The following BIRC6 variants were observed in gnomAD, a reference collection of about 807,000 sequenced individuals.
BIRC6 encodes the protein dual E2 ubiquitin-conjugating enzyme/E3 ubiquitin-protein ligase BIRC6.
BIRC6 carries 98 observed loss-of-function variants against 503.3 expected under a neutral mutation model. The ratio of observed to expected loss-of-function variants is 0.19; its 90% CI spans 0.17 to 0.23. The LOEUF (loss-of-function observed/expected upper bound fraction) is 0.23. Among genes scored for constraint, BIRC6 ranks in the 10% least tolerant of loss-of-function variants. The probability of loss-of-function intolerance (pLI) is 1.00; values close to 1 mark genes in which losing one functional copy is unlikely to be tolerated. For synonymous variants in BIRC6, 2,240 were observed against 2,078.7 expected (o/e 1.08, Z -2.11); for missense variants, 5,360 against 5,806.0 (o/e 0.92, Z 2.50).
intron 29 of BIRC6, 142 bp from the exon 30 acceptor site, chr2:32,469,253 A>C (rs1326526907): frequency 1.5e-6 from 1 of 658,696 alleles, no homozygotes; most frequent in Admixed American, 3.3e-5. Context: ...TCTACATACA[A>C]GGAGTAAATA....
intron 34 of BIRC6, 109 bp from the exon 35 acceptor site, chr2:32,477,259 C>A: frequency 9.2e-7 from 1 of 1,088,420 alleles, no homozygotes; most frequent in Non-Finnish European, 1.3e-6. Context: ...AAAAATTTTG[C>A]TCTTTAGAAG....
intron 3 of BIRC6, among the ~76,000 whole-genome samples, chr2:32,387,742 T>G (rs1323529364): frequency 6.6e-6 from 1 of 152,172 alleles, no homozygotes; most frequent in East Asian, 1.9e-4. Context: ...TTCTTATGGA[T>G]GGAGGTATTT....
intron 45 of BIRC6, among the ~76,000 whole-genome samples, chr2:32,498,902 A>G (rs753968808): frequency 2.6e-5 from 4 of 152,158 alleles, no homozygotes; most frequent in Non-Finnish European, 4.4e-5. Flanking sequence ...TTTAGTAACA[A>G]TGAGGTTTCA....
intron 11 of BIRC6, 35 bp from the exon 12 acceptor site, chr2:32,430,830 C>T: frequency 1.9e-6 from 1 of 537,430 alleles, no homozygotes. Context: ...TTTTTTTCCA[C>T]ACCTATTTCA....
At chr2:32,582,115 T>A (rs1228996215) in intron 66 of BIRC6, among the ~76,000 whole-genome samples, 2 of 151,572 alleles carry the variant, frequency 1.3e-5, no homozygotes, top group Non-Finnish European at 2.9e-5. Context: ...CCCCTCCGCC[T>A]CCCAAAGTGT....
At chr2:32,380,339 C>T (rs189247647) in intron 3 of BIRC6, 49 bp downstream of exon 3, 1 of 1,527,318 alleles carries the variant, frequency 6.5e-7, no homozygotes, top group Non-Finnish European at 8.7e-7. Flanking sequence ...ACAATGGACA[C>T]CTCCATTCTT....
Position 32,505,204 on chromosome 2 carries a change from A to C in BIRC6, c.9699A>C (p.Ala3233=). Reference sequence around the variant, plus strand: ...TCCAGCCTCATCTTGCATCTCTTGCAAGTGAGTAATATTTTATAAAGAAGC... The same window carrying C: ...TCCAGCCTCATCTTGCATCTCTTGCCAGTGAGTAATATTTTATAAAGAAGC... The part of the protein sequence containing the change: ...IHIQPHLASL[A]TCPSSVSVEV... The change falls in exon 50 of 74, where the codon GCA becomes GCC. Residue 3233 remains alanine (A), a splice_region_variant and synonymous_variant. Coordinates refer to ENST00000421745, the MANE Select transcript of BIRC6 (RefSeq NM_016252.4). 1 of 1,555,008 alleles carries C rather than the reference A, an allele frequency of 6.4e-7. No homozygotes were observed. Among genetic ancestry groups the C allele is most frequent in the Non-Finnish European group, 8.7e-7 (1 of 1,146,136 alleles).
intron 1 of BIRC6, among the ~76,000 whole-genome samples, chr2:32,362,016 A>G (rs1249403590): frequency 6.6e-6 from 1 of 152,196 alleles, no homozygotes; most frequent in East Asian, 1.9e-4. Context: ...GTTTTTGTGT[A>G]GACATAAGTT....
In BIRC6 at chr2:32,506,331, T is replaced by G. The variant is rs1354436978; in HGVS notation, c.9700+1126T>G. Among the ~76,000 whole-genome samples, 3 of 152,308 alleles carry G rather than the reference T, an allele frequency of 2.0e-5. No homozygotes were observed. In the East Asian group the frequency reaches 5.8e-4, roughly 29 times the overall value. ...TTCCTGGCATCTTTGGAGAAAACAA[T>G]TTTTTTCTATGTGTTTGCAAGATTA... On this transcript the variant is annotated intron_variant, in intron 50 of 73. Coordinates refer to ENST00000421745, the MANE Select transcript of BIRC6 (RefSeq NM_016252.4).
intron 16 of BIRC6, among the ~76,000 whole-genome samples, chr2:32,440,751 T>TTTTTTTTTATTATTATTATTA (rs773312894): frequency 8.8e-5 from 13 of 147,180 alleles, no homozygotes; most frequent in Admixed American, 4.1e-4. Flanking sequence ...TGTTTATTTA[T>TTTTTTTTTATTATTATTATTA]TTATTATTAT....
At chr2:32,397,701 C>CACATATATATGT (rs2040122313) in intron 6 of BIRC6, among the ~76,000 whole-genome samples, 3 of 143,930 alleles carry the variant, frequency 2.1e-5, no homozygotes, top group African/African-American at 7.7e-5. Context: ...TGTACACACA[C>CACATATATATGT]ACACACACAC....
intron 21 of BIRC6, among the ~76,000 whole-genome samples, chr2:32,447,435 C>A (rs1255236494): frequency 7.6e-6 from 1 of 130,816 alleles, no homozygotes; most frequent in African/African-American, 2.9e-5. Context: ...GGGGGGCTGA[C>A]CCCCCACCTC....
intron 65 of BIRC6, among the ~76,000 whole-genome samples, chr2:32,567,134 C>A (rs1396907953): frequency 1.3e-5 from 2 of 151,768 alleles, no homozygotes; most frequent in East Asian, 1.9e-4. Context: ...CCACACCTGG[C>A]TGTTTTTGTA....
At chr2:32,537,088 G>T (rs1032920391) in intron 61 of BIRC6, among the ~76,000 whole-genome samples, 1 of 152,108 alleles carries the variant, frequency 6.6e-6, no homozygotes, top group Non-Finnish European at 1.5e-5. Context: ...ATAAGAATGC[G>T]TGTGATTTTT....
chr2:32,477,485 G>A lies in BIRC6; in HGVS notation c.6970G>A (p.Ala2324Thr), dbSNP rs951338590. 14 of 1,613,772 alleles carry A rather than the reference G, an allele frequency of 8.7e-6. No individual in the cohort carries two copies. The highest frequency in any genetic ancestry group is 1.1e-5 in the Non-Finnish European group (13 of 1,179,864). ...GATAGAACCACTTCCATTTACTCTG[G>A]CCCATGAGCGTTGTATCTCAGTAGT... Reference protein sequence around the residue: ...PEIEPLPFTLAHERCISVVQK... With the variant: ...PEIEPLPFTLTHERCISVVQK... The change falls in exon 35 of 74, where the codon GCC (alanine) becomes ACC (threonine). Residue 2324 changes from alanine to threonine, a missense_variant. By Grantham distance (58) the Ala-to-Thr change is moderately conservative. Coordinates refer to ENST00000421745, the MANE Select transcript of BIRC6 (RefSeq NM_016252.4).
In BIRC6 at chr2:32,436,163, A is replaced by G; in HGVS notation, c.3610A>G (p.Thr1204Ala). Reference protein sequence around the residue: ...LSGHAGMLTLTSPKLVKGMAG... With the variant: ...LSGHAGMLTLASPKLVKGMAG... ...AGGGCATGCTGGAATGTTGACGTTA[A>G]CAAGCCCCAAACTTGTTAAAGGTGA... Residue 1204 changes from threonine to alanine, a missense_variant, in exon 15 of 74, where the codon ACA (threonine) becomes GCA (alanine). This residue lies in a region of BIRC6 where 2,299 missense variants were observed against 2,267.2 expected (regional missense o/e 1.01). Transcript: ENST00000421745. 1 of 1,462,396 alleles carries G rather than the reference A, an allele frequency of 6.8e-7. No homozygotes were observed. The allele number at this position is 1,462,396 out of a possible 1,614,324, so 90.6% of individuals were successfully genotyped here.
intron 44 of BIRC6, among the ~76,000 whole-genome samples, chr2:32,492,314 A>G (rs2051838048): frequency 6.6e-6 from 1 of 152,114 alleles, no homozygotes; most frequent in Non-Finnish European, 1.5e-5. Context: ...ATTTACCAAG[A>G]TCAAATATCT....
chr2:32,433,577 A>G (rs184731010), intron 12 of BIRC6, 67 bp from the exon 13 acceptor site: 3 of 1,347,426 alleles, frequency 2.2e-6, no homozygotes, highest in South Asian at 1.9e-5. Flanking sequence ...GGTGACCTTA[A>G]TGATAATATG....
intron 1 of BIRC6, among the ~76,000 whole-genome samples, chr2:32,376,954 G>A (rs2036880057): frequency 6.6e-6 from 1 of 152,098 alleles, no homozygotes; most frequent in Non-Finnish European, 1.5e-5. Context: ...AACTGAAACT[G>A]CACAAAGTGA....
Sources: allele counts gnomAD v4.1 joint callset (sites outside exome capture counted in the v4.1 genomes callset), GRCh38; gene constraint gnomAD v4.1.1; regional missense constraint gnomAD v4.1.1; transcripts MANE v1.5; gene names NCBI Gene and HGNC (gene_info 2026-07-23, HGNC 2026-07-21).